SLC66A2: variants seen among roughly 807,000 people sequenced by gnomAD.
The protein encoded by SLC66A2 is PQ loop repeat containing 1.
In SLC66A2, 23 loss-of-function variants were observed where a neutral mutation model predicts 25.5. The observed-to-expected ratio is 0.90, with a 90% CI of 0.65 to 1.28. The LOEUF (loss-of-function observed/expected upper bound fraction) is 1.28. Among genes scored for constraint, SLC66A2 ranks in the 50% most tolerant of loss-of-function variants. The pLI is 0.00. For synonymous variants in SLC66A2, 193 were observed against 166.5 expected (o/e 1.16, Z -1.23); for missense variants, 396 against 373.1 (o/e 1.06, Z -0.51).
intron 4 of SLC66A2, among the ~76,000 whole-genome samples, chr18:79,929,839 C>T (rs1381755688): frequency 6.6e-6 from 1 of 152,114 alleles, no homozygotes; most frequent in Non-Finnish European, 1.5e-5. Context: ...AAGGGCTCAA[C>T]AACAGACTGA....
chr18:79,922,511 C>T (rs949900489), intron 4 of SLC66A2, among the ~76,000 whole-genome samples: 10 of 152,150 alleles, frequency 6.6e-5, no homozygotes, highest in East Asian at 3.9e-4. Context: ...CAACACGCCT[C>T]GGCCACGGTG....
At position 79,945,914 on chromosome 18, in the gene SLC66A2, C is replaced by T. The variant is rs141260730; in HGVS notation, c.204-2452G>A. Among the ~76,000 whole-genome samples the T allele has an allele frequency of 1.3e-3, 204 of 152,334 alleles. 2 individuals carry two copies. Among genetic ancestry groups the T allele is most frequent in the African/African-American group, 4.4e-3 (185 of 41,576 alleles). Reference sequence around the variant, plus strand: ...CAGAGACCTGAGGCTGAGGAGGTGACGCTGGGCAAGCATCTAAAATAGGCC... The same window carrying T: ...CAGAGACCTGAGGCTGAGGAGGTGATGCTGGGCAAGCATCTAAAATAGGCC... On this transcript the variant is annotated intron_variant, in intron 2 of 5. Coordinates refer to ENST00000397778, the MANE Select transcript of SLC66A2 (RefSeq NM_025078.5).
rs1381550838 is a variant in SLC66A2 at position 79,917,751 on chromosome 18, C to T, written c.608+1433G>A. Among the ~76,000 whole-genome samples, 13 of 151,956 alleles carry T rather than the reference C, an allele frequency of 8.6e-5. No homozygotes were observed. The highest frequency in any genetic ancestry group is 1.9e-4 in the East Asian group (1 of 5,176). Reference sequence around the variant, plus strand: ...ACCCTCTCGGGCCTCCATGCACCCTCGCCCGAGAAACCCCAGCAACCCCCC... The same window carrying T: ...ACCCTCTCGGGCCTCCATGCACCCTTGCCCGAGAAACCCCAGCAACCCCCC... On this transcript the variant is annotated intron_variant, in intron 5 of 5. Coordinates refer to ENST00000397778, the MANE Select transcript of SLC66A2 (RefSeq NM_025078.5). The surrounding 1 kb of genome is among the most constrained non-coding windows in gnomAD (Gnocchi z 6.0).
intron 5 of SLC66A2, among the ~76,000 whole-genome samples, chr18:79,907,497 G>A (rs796816270): frequency 1.1e-4 from 17 of 151,764 alleles, no homozygotes; most frequent in African/African-American, 3.6e-4. Context: ...GACTACAGGC[G>A]CCCGCCACCA....
Position 79,951,018 on chromosome 18 carries a change from C to T in SLC66A2, c.-92G>A. 9.9e-7 allele frequency: 1 copy of T among 1,009,076 alleles called. No individual in the cohort carries two copies. Among genetic ancestry groups the T allele is most frequent in the Non-Finnish European group, 1.3e-6 (1 of 758,538 alleles). The allele number at this position is 1,009,076 out of a possible 1,614,324, so 62.5% of individuals were successfully genotyped here. A position where few individuals can be genotyped will look rare whatever the true frequency, so the allele number is the denominator to read the frequency against. On this transcript the variant is annotated 5_prime_UTR_variant, in exon 2 of 6. Coordinates refer to ENST00000397778, the MANE Select transcript of SLC66A2 (RefSeq NM_025078.5). ...TCGCCGCTCCGCGCGCTCCTGCGGC[C>T]TCGGGGCCTGCGGGGAGCGGGGAGC...
intron 5 of SLC66A2, chr18:79,916,011 AGTGCTCCCGTACCCTCCCATACCCACG>A (rs1568301428): frequency 1.6e-5 from 3 of 188,660 alleles, no homozygotes; most frequent in Admixed American, 6.5e-5. Context: ...TCATAGCCGC[AGTGCTCCCGTACCCTCCCATACCCACG>A]GTGCTCCCGT....
At position 79,943,346 on chromosome 18, in the gene SLC66A2, C is replaced by T; in HGVS notation, c.320G>A (p.Arg107Lys). 1.2e-6 allele frequency: 2 copies of T among 1,614,186 alleles called. No individual in the cohort carries two copies. The part of the protein sequence containing the change: ...EVRVANELNA[R>K]RRSFTAADSK... ...CCACCAACCTGTAAAGGAGCGGCGC[C>T]TGGCGTTGAGCTCGTTGGCCACACG... Residue 107 changes from arginine to lysine, a missense_variant, in exon 3 of 6, where the codon AGG becomes AAG. By Grantham distance (26) the Arg-to-Lys change is conservative. Coordinates refer to ENST00000397778, the MANE Select transcript of SLC66A2 (RefSeq NM_025078.5).
intron 5 of SLC66A2, among the ~76,000 whole-genome samples, chr18:79,907,747 C>A (rs1234567501): frequency 6.6e-6 from 1 of 151,866 alleles, no homozygotes; most frequent in Non-Finnish European, 1.5e-5. Flanking sequence ...TCTGGCAATT[C>A]CTGGAGACAT....
intron 5 of SLC66A2, chr18:79,915,446 C>G (rs1389620251): frequency 6.6e-6 from 1 of 152,402 alleles, no homozygotes; most frequent in Non-Finnish European, 1.5e-5. Flanking sequence ...GCTCCTGGTC[C>G]CCGTTCCTGA....
rs1187591110 is a variant in SLC66A2, at chr18:79,941,827, G to C, written c.337+1502C>G. 1 of 152,354 alleles carries C rather than the reference G, an allele frequency of 6.6e-6. No individual in the cohort carries two copies. Among genetic ancestry groups the C allele is most frequent in the Non-Finnish European group, 1.5e-5 (1 of 68,138 alleles). 9.4% of individuals were successfully genotyped at this position (152,354 alleles called of 1,614,324 possible). ...GTCACAAGGTCTGGCCTCATGTCCA[G>C]AGCCCGAGGACAGCAGAAACACCCA... On this transcript the variant is annotated intron_variant, in intron 3 of 5. Coordinates refer to ENST00000397778, the MANE Select transcript of SLC66A2 (RefSeq NM_025078.5). The surrounding 1 kb of genome is among the most constrained non-coding windows in gnomAD (Gnocchi z 4.1).
intron 5 of SLC66A2, among the ~76,000 whole-genome samples, chr18:79,910,072 AC>A (rs1357343348): frequency 1.3e-5 from 1 of 78,170 alleles, no homozygotes; most frequent in Non-Finnish European, 2.5e-5. Flanking sequence ...AGCCTTCCCC[AC>A]CATCTCACCA....
At chr18:79,949,730 A>G (rs983208599) in intron 2 of SLC66A2, 1 of 152,338 alleles carries the variant, frequency 6.6e-6, no homozygotes, top group Non-Finnish European at 1.5e-5. Context: ...CCAGAGTCAG[A>G]AGCAGAGTTC....
intron 3 of SLC66A2, among the ~76,000 whole-genome samples, chr18:79,942,380 G>A (rs1987753248): frequency 6.6e-6 from 1 of 152,204 alleles, no homozygotes; most frequent in Non-Finnish European, 1.5e-5. Flanking sequence ...TACAGAGGCT[G>A]AAAGCAGCAC....
At chr18:79,906,964 G>A (rs949361509) in intron 5 of SLC66A2, among the ~76,000 whole-genome samples, 4 of 152,254 alleles carry the variant, frequency 2.6e-5, no homozygotes, top group South Asian at 2.1e-4. Flanking sequence ...TTAATACAGC[G>A]ACTCCAAGCT....
chr18:79,905,699 G>C (rs941445082), intron 5 of SLC66A2, among the ~76,000 whole-genome samples: 10 of 152,266 alleles, frequency 6.6e-5, no homozygotes, highest in Admixed American at 4.6e-4. Context: ...ACACACGGCT[G>C]AGATTTCCCA....
intron 4 of SLC66A2, among the ~76,000 whole-genome samples, chr18:79,922,506 C>T (rs553719254): frequency 9.2e-5 from 14 of 152,170 alleles, no homozygotes; most frequent in East Asian, 5.8e-4. Flanking sequence ...TTCTACAACA[C>T]GCCTCGGCCA....
chr18:79,932,475 A>G (rs1471919089), intron 4 of SLC66A2, among the ~76,000 whole-genome samples: 2 of 151,604 alleles, frequency 1.3e-5, no homozygotes, highest in African/African-American at 2.4e-5. Flanking sequence ...TTGTGTTAAA[A>G]AAAGAAAGAA....
rs1986111739 is a variant in SLC66A2 at position 79,927,581 on chromosome 18, G to A, written c.391+6388C>T. Among the ~76,000 whole-genome samples the A allele has an allele frequency of 6.6e-6, 1 of 152,162 alleles. No homozygotes were observed. Among genetic ancestry groups the A allele is most frequent in the Non-Finnish European group, 1.5e-5 (1 of 68,032 alleles). On this transcript the variant is annotated intron_variant, in intron 4 of 5. Coordinates refer to ENST00000397778, the MANE Select transcript of SLC66A2 (RefSeq NM_025078.5). The surrounding 1 kb of genome is among the most constrained non-coding windows in gnomAD (Gnocchi z 6.2). ...CACCTGTGCAGCAGGCGGCAACAGG[G>A]ACAGGCAGACGACACAGCTGGGGCC...
intron 5 of SLC66A2, among the ~76,000 whole-genome samples, chr18:79,910,134 AC>A (rs1982843818): frequency 2.9e-5 from 1 of 33,938 alleles, no homozygotes; most frequent in East Asian, 8.9e-4. Context: ...CCTTCCCCAC[AC>A]CCTCACCAGA....
Sources: allele counts gnomAD v4.1 joint callset (sites outside exome capture counted in the v4.1 genomes callset), GRCh38; gene constraint gnomAD v4.1.1; non-coding constraint Gnocchi (gnomAD v3.1); transcripts MANE v1.5; gene names NCBI Gene and HGNC (gene_info 2026-07-23, HGNC 2026-07-21).